The following XPO4 variants were observed in gnomAD, a reference collection of about 807,000 sequenced individuals.
XPO4 encodes exportin-4.
XPO4 carries 39 observed loss-of-function variants against 143.0 expected under a neutral mutation model. The ratio of observed to expected loss-of-function variants is 0.27; its 90% CI spans 0.21 to 0.36. The LOEUF is 0.36. Ranked by LOEUF, XPO4 falls within the 10% of genes least tolerant of loss-of-function variation. XPO4 has a pLI of 1.00. For synonymous variants in XPO4, 439 were observed against 474.0 expected, an observed-to-expected ratio of 0.93 and a Z score of 0.96; for missense variants, 907 against 1,348.0, an observed-to-expected ratio of 0.67 and a Z score of 5.12.
rs543495913 is a variant in XPO4 at position 20,840,919 on chromosome 13, T to G, written c.727+1976A>C. Among the ~76,000 whole-genome samples the G allele has an allele frequency of 5.3e-5, 8 of 152,014 alleles. No homozygotes were observed. In the South Asian group the frequency reaches 1.4e-3, roughly 28 times the overall value. The stretch of plus-strand genomic sequence containing the variant: ...TTCTTTAAACAAGGAATTATTTCCT[T>G]TGGCAACACTGCAGTATTGCTTATC... On this transcript the variant is annotated intron_variant, in intron 6 of 22. Coordinates refer to ENST00000255305, the MANE Select transcript of XPO4 (RefSeq NM_022459.5).
intron 4 of XPO4, among the ~76,000 whole-genome samples, chr13:20,854,730 C>CA (rs1400111449): frequency 1.1e-4 from 16 of 152,138 alleles, no homozygotes; most frequent in African/African-American, 3.9e-4. Context: ...CTGCCTCAGA[C>CA]AGAGTGATTA....
chr13:20,817,125 T>C (rs141353927), intron 9 of XPO4, among the ~76,000 whole-genome samples: 17 of 152,310 alleles, frequency 1.1e-4, no homozygotes, highest in Admixed American at 3.3e-4. Context: ...AGGTGCAAGG[T>C]AGACTACACA....
intron 1 of XPO4, among the ~76,000 whole-genome samples, chr13:20,901,942 T>A (rs1317227100): frequency 6.6e-6 from 1 of 152,260 alleles, no homozygotes. Flanking sequence ...GTAATACTTT[T>A]ATCCTTTGAC....
At chr13:20,856,095 A>T (rs2060140348) in intron 3 of XPO4, among the ~76,000 whole-genome samples, 2 of 152,206 alleles carry the variant, frequency 1.3e-5, no homozygotes, top group African/African-American at 2.4e-5. Flanking sequence ...TACAAGTGTT[A>T]TTTGCTCCAG....
At position 20,799,258 on chromosome 13, in the gene XPO4, C is replaced by T; in HGVS notation, c.2229G>A (p.Leu743=). 1 of 1,614,020 alleles carries T rather than the reference C, an allele frequency of 6.2e-7. No individual in the cohort carries two copies. Among genetic ancestry groups the T allele is most frequent in the Non-Finnish European group, 8.5e-7 (1 of 1,179,954 alleles). ...TCAATGTCCTCTGCACAGGACTTGA[C>T]AAGAAATTAAGAGGTGGGCTTCGGC... ...FASRSPPLNF[L]SSPVQRTLMK... Residue 743 remains leucine, a synonymous_variant, in exon 16 of 23, where the codon TTG becomes TTA. Coordinates refer to ENST00000255305, the MANE Select transcript of XPO4 (RefSeq NM_022459.5).
chr13:20,848,807 T>C, intron 4 of XPO4: 1 of 985,314 alleles, frequency 1.0e-6, no homozygotes, highest in Non-Finnish European at 1.2e-6. Context: ...TGTTTATAAA[T>C]TTCTACAAGA....
At chr13:20,878,590 C>T (rs541482333) in intron 1 of XPO4, among the ~76,000 whole-genome samples, 2 of 152,144 alleles carry the variant, frequency 1.3e-5, no homozygotes, top group South Asian at 2.1e-4. Context: ...GTACAATACA[C>T]CATTTATATA....
At chr13:20,885,102 G>A (rs1013521101) in intron 1 of XPO4, among the ~76,000 whole-genome samples, 3 of 152,046 alleles carry the variant, frequency 2.0e-5, no homozygotes, top group Admixed American at 6.6e-5. Flanking sequence ...ACAGGCATGC[G>A]CCACCACGCT....
intron 6 of XPO4, among the ~76,000 whole-genome samples, chr13:20,835,082 G>A (rs1024803926): frequency 6.6e-6 from 1 of 152,108 alleles, no homozygotes; most frequent in African/African-American, 2.4e-5. Context: ...ATAGTTCAAG[G>A]TAACTTTGAA....
At chr13:20,824,526 T>G (rs1353314901) in intron 7 of XPO4, among the ~76,000 whole-genome samples, 2 of 152,232 alleles carry the variant, frequency 1.3e-5, no homozygotes, top group Non-Finnish European at 1.5e-5. Context: ...AGACGGTGTG[T>G]GCTGTTCAAG....
intron 6 of XPO4, 124 bp downstream of exon 6, chr13:20,842,771 T>TA (rs898468523): frequency 3.1e-4 from 274 of 894,446 alleles, no homozygotes; most frequent in Non-Finnish European, 3.6e-4. Context: ...TTCTATTTCT[T>TA]AAAAAAAATC....
In XPO4 at chr13:20,777,822, A is replaced by C. The variant is rs963007564; in HGVS notation, c.*5900T>G. 1.3e-5 allele frequency: 2 copies of C among 152,224 alleles called. No homozygotes were observed. Among genetic ancestry groups the C allele is most frequent in the African/African-American group, 4.8e-5 (2 of 41,454 alleles). 9.4% of individuals were successfully genotyped at this position (152,224 alleles called of 1,614,324 possible). ...ATGCTATATATTAAAAATAATTTAC[A>C]GGGACACTCAGTAGGAGGTTGAATT... On this transcript the variant is annotated 3_prime_UTR_variant, in exon 23 of 23. Coordinates refer to ENST00000255305, the MANE Select transcript of XPO4 (RefSeq NM_022459.5).
At chr13:20,824,301 C>T (rs2059757053) in intron 7 of XPO4, among the ~76,000 whole-genome samples, 2 of 152,122 alleles carry the variant, frequency 1.3e-5, no homozygotes, top group East Asian at 1.9e-4. Flanking sequence ...ATTTTTGTCA[C>T]GATGCCTTAG....
intron 13 of XPO4, among the ~76,000 whole-genome samples, chr13:20,804,167 A>G (rs918238165): frequency 6.6e-6 from 1 of 150,684 alleles, no homozygotes; most frequent in Non-Finnish European, 1.5e-5. Flanking sequence ...ATATATATAT[A>G]CACACTATAT....
intron 3 of XPO4, chr13:20,856,316 A>AAC (rs111388506): frequency 2.4e-5 from 24 of 984,538 alleles, no homozygotes; most frequent in East Asian, 1.1e-4. Flanking sequence ...AAAATTGTAA[A>AAC]ACACACACAC....
rs1348879280 is a variant in XPO4, at chr13:20,856,004, T to C, written c.318-239A>G. 2.6e-5 allele frequency among the ~76,000 whole-genome samples: 4 copies of C among 152,176 alleles called. No homozygotes were observed. In the East Asian group the frequency reaches 7.7e-4, roughly 29 times the overall value. On this transcript the variant is annotated intron_variant, in intron 3 of 22. Coordinates refer to ENST00000255305, the MANE Select transcript of XPO4 (RefSeq NM_022459.5). ...GCATTCAGGGCCTTGGTTTTCAATCTGTAAAATGAGAATAACACTACTAGT... is the reference window on the plus strand; with the variant it reads ...GCATTCAGGGCCTTGGTTTTCAATCCGTAAAATGAGAATAACACTACTAGT...
intron 9 of XPO4, among the ~76,000 whole-genome samples, chr13:20,818,495 T>C (rs1356036337): frequency 1.3e-5 from 2 of 152,202 alleles, no homozygotes; most frequent in African/African-American, 4.8e-5. Flanking sequence ...ATAATCTGTA[T>C]ATATTCCTAA....
intron 6 of XPO4, among the ~76,000 whole-genome samples, chr13:20,828,128 T>C (rs2059807617): frequency 6.6e-6 from 1 of 152,040 alleles, no homozygotes; most frequent in Non-Finnish European, 1.5e-5. Flanking sequence ...TCCCAGCTAT[T>C]TGGGAGGCTG....
At position 20,796,259 on chromosome 13, in the gene XPO4, G is replaced by T; in HGVS notation, c.2617-3C>A. On this transcript the variant is annotated splice_region_variant and splice_polypyrimidine_tract_variant and intron_variant, in intron 17 of 22. Coordinates refer to ENST00000255305, the MANE Select transcript of XPO4 (RefSeq NM_022459.5). ...TCATATAAGTTCATAGCTTTGGACTGAAAAAAAAAAAAATGCACAAATTAT... is the reference window on the plus strand; with the variant it reads ...TCATATAAGTTCATAGCTTTGGACTTAAAAAAAAAAAAATGCACAAATTAT... The T allele has an allele frequency of 3.2e-6, 4 of 1,232,160 alleles. No individual in the cohort carries two copies. The highest frequency in any genetic ancestry group is 3.3e-6 in the Non-Finnish European group (3 of 919,422). 76.3% of individuals were successfully genotyped at this position (1,232,160 alleles called of 1,614,324 possible).
Sources: allele counts gnomAD v4.1 joint callset (sites outside exome capture counted in the v4.1 genomes callset), GRCh38; gene constraint gnomAD v4.1.1; transcripts MANE v1.5; gene names NCBI Gene and HGNC (gene_info 2026-07-23, HGNC 2026-07-21).